The following BCAS3 variants were observed in gnomAD, a reference collection of about 807,000 sequenced individuals.
BCAS3 encodes the protein BCAS4/BCAS3 fusion.
Under a neutral mutation model 116.1 loss-of-function variants are expected in BCAS3, and 53 were observed. That is an observed-to-expected ratio of 0.46 (90% CI 0.37 to 0.57). The LOEUF (loss-of-function observed/expected upper bound fraction) is 0.57. Ranked by LOEUF, BCAS3 falls within the 20% of genes least tolerant of loss-of-function variation. The pLI is 0.00. For synonymous variants in BCAS3, 391 were observed against 408.2 expected (o/e 0.96, Z 0.51); for missense variants, 917 against 1,165.4 (o/e 0.79, Z 3.10).
rs182259369 is a variant in BCAS3 at position 60,874,454 on chromosome 17, A to T, written c.585-208A>T. ...CTTTTCTTCTAGTCATCTCTATCTTATTTATATATAGGATTTTGTGGTTTA... is the reference window on the plus strand; with the variant it reads ...CTTTTCTTCTAGTCATCTCTATCTTTTTTATATATAGGATTTTGTGGTTTA... On this transcript the variant is annotated intron_variant, in intron 8 of 23. Transcript: ENST00000407086. Among the ~76,000 whole-genome samples, 13 of 152,186 alleles carry T rather than the reference A, an allele frequency of 8.5e-5. No individual in the cohort carries two copies. In the East Asian group the frequency reaches 2.5e-3, roughly 29 times the overall value.
chr17:60,943,155 G>A (rs1241011503), intron 13 of BCAS3, among the ~76,000 whole-genome samples: 1 of 151,880 alleles, frequency 6.6e-6, no homozygotes, highest in African/African-American at 2.4e-5. Context: ...CAAATAAATA[G>A]TCCCATAACA....
In BCAS3 at chr17:60,711,458, T is replaced by A. The variant is rs559264673; in HGVS notation, c.321+2133T>A. On this transcript the variant is annotated intron_variant, in intron 5 of 23. Transcript: ENST00000407086. ...CATTTTGCTTCATTATGCTGTTTGTTGACAGTACTGAAGACAGAGGAAGTT... is the reference window on the plus strand; with the variant it reads ...CATTTTGCTTCATTATGCTGTTTGTAGACAGTACTGAAGACAGAGGAAGTT... 1.8e-4 allele frequency among the ~76,000 whole-genome samples: 26 copies of A among 146,982 alleles called. No homozygotes were observed. The South Asian group carries it at 5.2e-3, about 29-fold the overall frequency.
intron 22 of BCAS3, among the ~76,000 whole-genome samples, chr17:61,170,774 G>A (rs2078798611): frequency 6.6e-6 from 1 of 152,148 alleles, no homozygotes; most frequent in Non-Finnish European, 1.5e-5. Flanking sequence ...ATAGAGGTGG[G>A]AGGTTGAGGA....
intron 7 of BCAS3, among the ~76,000 whole-genome samples, chr17:60,858,507 T>C (rs1191587292): frequency 1.1e-4 from 17 of 152,192 alleles, no homozygotes. Context: ...GATAATTTGT[T>C]CTTTTTAAAT....
intron 19 of BCAS3, among the ~76,000 whole-genome samples, chr17:61,044,446 C>CAAAAAAAAAAAAA (rs1223902392): frequency 2.4e-5 from 2 of 82,824 alleles, no homozygotes; most frequent in African/African-American, 1.3e-4. Context: ...GACTCTGTCT[C>CAAAAAAAAAAAAA]AAAAAAAAAA....
At chr17:60,915,570 C>T (rs959916777) in intron 12 of BCAS3, among the ~76,000 whole-genome samples, 5 of 151,628 alleles carry the variant, frequency 3.3e-5, no homozygotes, top group African/African-American at 9.8e-5. Flanking sequence ...ACTCTGACAA[C>T]GTTATGCAAA....
At position 61,180,859 on chromosome 17, in the gene BCAS3, T is replaced by A. The variant is rs1252839016; in HGVS notation, c.2425+96295T>A. Among the ~76,000 whole-genome samples the A allele has an allele frequency of 1.3e-5, 2 of 152,096 alleles. No homozygotes were observed. The highest frequency in any genetic ancestry group is 2.9e-5 in the Non-Finnish European group (2 of 68,006). ...GAATATAAGCTTCATGAGGACAGGG[T>A]CTTATCTTTTGTCATTGCATCCCTA... On this transcript the variant is annotated intron_variant, in intron 22 of 23. Coordinates refer to ENST00000407086, the MANE Select transcript of BCAS3 (RefSeq NM_017679.5). This position sits in a 1 kb window ranked among gnomAD's most constrained non-coding sequence, Gnocchi z 6.0.
intron 19 of BCAS3, among the ~76,000 whole-genome samples, chr17:61,057,811 C>T (rs969640403): frequency 5.3e-5 from 8 of 151,974 alleles, no homozygotes; most frequent in South Asian, 2.1e-4. Flanking sequence ...CATTTTTAAG[C>T]GATCTTTTTG....
intron 22 of BCAS3, among the ~76,000 whole-genome samples, chr17:61,303,732 C>G (rs2053628234): frequency 6.6e-6 from 1 of 152,126 alleles, no homozygotes; most frequent in African/African-American, 2.4e-5. Context: ...CCCTTTTGTT[C>G]CCTTACAGCA....
intron 21 of BCAS3, 101 bp downstream of exon 21, chr17:61,078,630 T>A (rs2072250812): frequency 9.9e-7 from 1 of 1,014,494 alleles, no homozygotes; most frequent in Non-Finnish European, 1.4e-6. Context: ...TTTGGCACAG[T>A]ATCATGTTGC....
chr17:60,693,119 G>T (rs1463542230), intron 4 of BCAS3, among the ~76,000 whole-genome samples: 1 of 151,796 alleles, frequency 6.6e-6, no homozygotes, highest in Non-Finnish European at 1.5e-5. Flanking sequence ...CAGGTCATCT[G>T]CCCGCTTTGG....
At chr17:61,111,398 G>C (rs1330322738) in intron 22 of BCAS3, among the ~76,000 whole-genome samples, 1 of 149,806 alleles carries the variant, frequency 6.7e-6, no homozygotes, top group Non-Finnish European at 1.5e-5. Context: ...TAAAGGAGCT[G>C]ATGGAGCTGA....
chr17:60,929,297 T>C (rs1355719568), intron 13 of BCAS3, among the ~76,000 whole-genome samples: 2 of 152,064 alleles, frequency 1.3e-5, no homozygotes, highest in African/African-American at 4.8e-5. Context: ...TGGTGGCACG[T>C]GCCTGTAGTC....
At chr17:60,835,821 G>A (rs9915604) in intron 7 of BCAS3, among the ~76,000 whole-genome samples, 33,282 of 151,870 alleles carry the variant, frequency 0.22, 4,708 homozygotes, top group African/African-American at 0.41. Flanking sequence ...ATATTATACA[G>A]CAGTAACAGA....
intron 21 of BCAS3, 132 bp downstream of exon 21, chr17:61,078,661 C>T (rs1443064763): frequency 1.4e-6 from 1 of 711,480 alleles, no homozygotes; most frequent in Non-Finnish European, 2.3e-6. Flanking sequence ...TACTGTTGCA[C>T]GTAATTCCCT....
intron 19 of BCAS3, among the ~76,000 whole-genome samples, chr17:61,074,286 G>A (rs923111660): frequency 6.6e-6 from 1 of 151,922 alleles, no homozygotes; most frequent in Admixed American, 6.6e-5. Flanking sequence ...GACAGAGTGA[G>A]TGAGTCGTAG....
rs1332997257 is a variant in BCAS3 at position 61,196,342 on chromosome 17, G to A, written c.2425+111778G>A. Among the ~76,000 whole-genome samples, 5 of 152,218 alleles carry A rather than the reference G, an allele frequency of 3.3e-5. No individual in the cohort carries two copies. Among genetic ancestry groups the A allele is most frequent in the East Asian group, 1.9e-4 (1 of 5,200 alleles). On this transcript the variant is annotated intron_variant, in intron 22 of 23. Transcript: ENST00000407086. This position sits in a 1 kb window ranked among gnomAD's most constrained non-coding sequence, Gnocchi z 4.7. ...GTCTGAACTGTCACAGCAATAGCGC[G>A]TAAAGCTGTTTGCATAGCGTGCTAA... is the stretch of plus-strand genomic sequence containing the variant.
At chr17:61,078,243 T>C in intron 20 of BCAS3, 90 bp from the exon 21 acceptor site, 6 of 992,486 alleles carry the variant, frequency 6.0e-6, no homozygotes, top group Middle Eastern at 2.2e-4. Flanking sequence ...TCTTGAAGAA[T>C]GTGGGTGTTA....
chr17:61,331,490 T>G (rs568535678), intron 22 of BCAS3, among the ~76,000 whole-genome samples: 1 of 152,048 alleles, frequency 6.6e-6, no homozygotes, highest in Non-Finnish European at 1.5e-5. Flanking sequence ...TTCAAAACTT[T>G]AGCCTCAAGG....
Sources: gnomAD v4.1 joint callset for allele counts (sites outside exome capture counted in the v4.1 genomes callset) on GRCh38, gnomAD v4.1.1 for gene constraint, Gnocchi (gnomAD v3.1) non-coding constraint, MANE v1.5 for transcripts, NCBI Gene and HGNC (gene_info 2026-07-23, HGNC 2026-07-21) for gene names.